ATRNL1: variants seen among roughly 807,000 people sequenced by gnomAD.
The protein encoded by ATRNL1 is attractin like 1, also known as attractin-like protein 1.
ATRNL1 carries 95 observed loss-of-function variants against 182.7 expected under a neutral mutation model. That is an observed-to-expected ratio of 0.52 (90% CI 0.44 to 0.62). The LOEUF (loss-of-function observed/expected upper bound fraction) is 0.62. ATRNL1 is among the 20% of genes least tolerant of loss of function. The pLI is 0.00. For missense variants in ATRNL1, 1,471 were observed against 1,679.5 expected, an observed-to-expected ratio of 0.88 and a Z score of 2.17; for synonymous variants, 576 against 568.3, an observed-to-expected ratio of 1.01 and a Z score of -0.19.
chr10:115,209,233 A>T (rs1303930606), intron 8 of ATRNL1, among the ~76,000 whole-genome samples: 1 of 151,622 alleles, frequency 6.6e-6, no homozygotes, highest in African/African-American at 2.4e-5. Context: ...CGCACTAAAA[A>T]GTTTATTTCT....
intron 5 of ATRNL1, among the ~76,000 whole-genome samples, chr10:115,139,618 G>A (rs911720654): frequency 1.9e-4 from 29 of 152,166 alleles, no homozygotes; most frequent in African/African-American, 7.0e-4. Flanking sequence ...CTCCTACTGG[G>A]TCCCTTCCAT....
chr10:115,455,086 T>C (rs1363915960), intron 21 of ATRNL1, among the ~76,000 whole-genome samples: 1 of 152,166 alleles, frequency 6.6e-6, no homozygotes, highest in African/African-American at 2.4e-5. Flanking sequence ...AGTTGTTCAG[T>C]ATTTTTTATC....
intron 26 of ATRNL1, among the ~76,000 whole-genome samples, chr10:115,570,924 C>T (rs1854352818): frequency 6.6e-6 from 1 of 152,146 alleles, no homozygotes; most frequent in Admixed American, 6.5e-5. Flanking sequence ...TGATTTCAGA[C>T]ATCCCGAGCA....
chr10:115,152,829 C>T, intron 5 of ATRNL1, among the ~76,000 whole-genome samples: 1 of 152,108 alleles, frequency 6.6e-6, no homozygotes, highest in Non-Finnish European at 1.5e-5. Flanking sequence ...TTTGCCCATT[C>T]AATATCATAT....
At chr10:115,285,800 C>T (rs1417765662) in intron 14 of ATRNL1, among the ~76,000 whole-genome samples, 2 of 152,038 alleles carry the variant, frequency 1.3e-5, no homozygotes, top group African/African-American at 4.8e-5. Context: ...GGTCAATTAG[C>T]TTCACTTATA....
chr10:115,159,205 T>C (rs1554882713), intron 5 of ATRNL1, among the ~76,000 whole-genome samples: 2 of 151,484 alleles, frequency 1.3e-5, no homozygotes, highest in African/African-American at 4.8e-5. Flanking sequence ...TAAAAGAAAT[T>C]TAAACATAGG....
At chr10:115,171,602 G>A (rs868989652) in intron 8 of ATRNL1, among the ~76,000 whole-genome samples, 1 of 151,894 alleles carries the variant, frequency 6.6e-6, no homozygotes. Context: ...ATTTATGAAC[G>A]AAGTACTGAA....
intron 27 of ATRNL1, among the ~76,000 whole-genome samples, chr10:115,784,792 T>C (rs1392807295): frequency 6.6e-6 from 1 of 152,156 alleles, no homozygotes; most frequent in Non-Finnish European, 1.5e-5. Context: ...ATAGCAGTCA[T>C]TGGGTTAGAC....
At position 115,182,076 on chromosome 10, in the gene ATRNL1, A is replaced by G. The variant is rs140319836; in HGVS notation, c.1348+10784A>G. Among the ~76,000 whole-genome samples the G allele has an allele frequency of 7.1e-4, 108 of 151,678 alleles. 2 individuals are homozygous for G. The highest frequency in any genetic ancestry group is 2.1e-3 in the Admixed American group (32 of 15,206). On this transcript the variant is annotated intron_variant, in intron 8 of 28. Coordinates refer to ENST00000355044, the MANE Select transcript of ATRNL1 (RefSeq NM_207303.4). Reference sequence around the variant, plus strand: ...CTTAGATTCAGTGAGTGAACAATACATTTTTATTTTTTATTATGTTTATAT... The same window carrying G: ...CTTAGATTCAGTGAGTGAACAATACGTTTTTATTTTTTATTATGTTTATAT...
At chr10:115,366,817 T>G (rs1306810271) in intron 19 of ATRNL1, among the ~76,000 whole-genome samples, 2 of 148,054 alleles carry the variant, frequency 1.4e-5, no homozygotes, top group Non-Finnish European at 3.0e-5. Flanking sequence ...GGTTGAAAAT[T>G]CTTTTCTTTA....
chr10:115,698,667 A>G lies in ATRNL1; in HGVS notation c.3796-28581A>G, dbSNP rs1374960662. 3.9e-5 allele frequency among the ~76,000 whole-genome samples: 6 copies of G among 152,108 alleles called. No homozygotes were observed. The East Asian group carries it at 1.2e-3, about 29-fold the overall frequency. On this transcript the variant is annotated intron_variant, in intron 26 of 28. Coordinates refer to ENST00000355044, the MANE Select transcript of ATRNL1 (RefSeq NM_207303.4). ...ATGTCGTGGGCCTGTAGTCCCAGCTACTCGGGAGGCTGAGGCAGGAGAATC... is the reference window on the plus strand; with the variant it reads ...ATGTCGTGGGCCTGTAGTCCCAGCTGCTCGGGAGGCTGAGGCAGGAGAATC...
chr10:115,583,310 G>T (rs61670275), intron 26 of ATRNL1, among the ~76,000 whole-genome samples: 7,645 of 109,136 alleles, frequency 0.07, 1,564 homozygotes, highest in African/African-American at 0.2. Context: ...GATGGGGATG[G>T]CATTGAATCT....
At chr10:115,550,553 A>G (rs961560394) in intron 26 of ATRNL1, among the ~76,000 whole-genome samples, 3 of 151,906 alleles carry the variant, frequency 2.0e-5, no homozygotes, top group Non-Finnish European at 4.4e-5. Context: ...CTTCAAATAA[A>G]TCATTCATCT....
At chr10:115,921,570 T>C (rs1197963774) in intron 28 of ATRNL1, among the ~76,000 whole-genome samples, 8 of 152,226 alleles carry the variant, frequency 5.3e-5, no homozygotes, top group Admixed American at 5.2e-4. Context: ...GTTTTCACTG[T>C]ATGATAGTTT....
chr10:115,400,006 G>A (rs181140530), intron 20 of ATRNL1, among the ~76,000 whole-genome samples: 1 of 152,110 alleles, frequency 6.6e-6, no homozygotes, highest in Admixed American at 6.6e-5. Context: ...CTACAGAATT[G>A]GAGAAGATTT....
At chr10:115,847,064 A>T (rs933279663) in intron 27 of ATRNL1, among the ~76,000 whole-genome samples, 1 of 152,122 alleles carries the variant, frequency 6.6e-6, no homozygotes, top group Non-Finnish European at 1.5e-5. Flanking sequence ...AGTTATCTAT[A>T]CAAGTGCATT....
intron 26 of ATRNL1, among the ~76,000 whole-genome samples, chr10:115,680,562 GAA>G (rs1946014098): frequency 1.3e-5 from 2 of 152,280 alleles, no homozygotes; most frequent in East Asian, 1.9e-4. Flanking sequence ...ATGCAGTTAT[GAA>G]AAGTCTATGT....
At chr10:115,408,082 C>G (rs1210469122) in intron 20 of ATRNL1, among the ~76,000 whole-genome samples, 5 of 147,378 alleles carry the variant, frequency 3.4e-5, no homozygotes, top group African/African-American at 1.3e-4. Context: ...CGGCTCACTG[C>G]AAGCTCCGCT....
chr10:115,094,011 G>T lies in ATRNL1; in HGVS notation c.261G>T (p.Gly87=), dbSNP rs782184348. The T allele has an allele frequency of 6.3e-7, 1 of 1,575,516 alleles. No individual in the cohort carries two copies. The highest frequency in any genetic ancestry group is 1.4e-5 in the African/African-American group (1 of 72,300). Residue 87 remains glycine (G), a synonymous_variant, in exon 1 of 29, where the codon GGG becomes GGT. Coordinates refer to ENST00000355044, the MANE Select transcript of ATRNL1 (RefSeq NM_207303.4). ...GCCTCTGCGACCCGGGCTGGGTGGG[G>T]GACCAGTGCCAGCACTGCCAGGGCA... ...STCLCDPGWV[G]DQCQHCQGRF...
Sources: allele counts gnomAD v4.1 joint callset (sites outside exome capture counted in the v4.1 genomes callset), GRCh38; gene constraint gnomAD v4.1.1; transcripts MANE v1.5; gene names NCBI Gene and HGNC (gene_info 2026-07-23, HGNC 2026-07-21).